KCNQ1OT1: variants seen among roughly 807,000 people sequenced by gnomAD.
The protein encoded by KCNQ1OT1 is KCNQ1 opposite strand/antisense transcript 1, also known as KCNQ1 antisense RNA 2 (non-protein coding).
In KCNQ1OT1 at chr11:2,694,433, C is replaced by T. The variant is rs1850639601; in HGVS notation, n.5562G>A. Reference sequence around the variant, plus strand: ...GGTAGAGACCAGGCAGGGTGCTAAACATCTTACAATATAAATGACAGCCCC... The same window carrying T: ...GGTAGAGACCAGGCAGGGTGCTAAATATCTTACAATATAAATGACAGCCCC... On this transcript the variant is annotated non_coding_transcript_exon_variant, in exon 1 of 1. Transcript: ENST00000597346. The T allele has an allele frequency of 7.5e-6, 3 of 398,658 alleles. No individual in the cohort carries two copies. The Admixed American group carries it at 1.3e-4, about 18-fold the overall frequency. The allele number at this position is 398,658 out of a possible 1,614,324, so 24.7% of individuals were successfully genotyped here.
exon 1 of KCNQ1OT1, chr11:2,697,490 G>C (rs1850697422): frequency 5.0e-6 from 2 of 398,566 alleles, no homozygotes; most frequent in Non-Finnish European, 8.8e-6. Context: ...GAAAAGTTAA[G>C]TTTTGGTTTA....
chr11:2,667,608 C>A (rs1209226085), exon 1 of KCNQ1OT1: 7 of 398,456 alleles, frequency 1.8e-5, no homozygotes, highest in Non-Finnish European at 2.2e-5. Context: ...GGGGGCACAT[C>A]CCATATAGAT....
rs1403934655 is a variant in KCNQ1OT1, at chr11:2,617,523, T to C, written n.82472A>G. 2.5e-6 allele frequency: 1 copy of C among 398,320 alleles called. No individual in the cohort carries two copies. Among genetic ancestry groups the C allele is most frequent in the Non-Finnish European group, 4.4e-6 (1 of 225,962 alleles). 24.7% of individuals were successfully genotyped at this position (398,320 alleles called of 1,614,324 possible). ...CATGCATATAATGCCACAATGAATA[T>C]AGGAGCGCAGATATCTTTATGAGGT... On this transcript the variant is annotated non_coding_transcript_exon_variant, in exon 1 of 1. Coordinates refer to ENST00000597346, the Ensembl canonical transcript of KCNQ1OT1. This position sits in a 1 kb window ranked among gnomAD's most constrained non-coding sequence, Gnocchi z 4.6.
In KCNQ1OT1 at chr11:2,673,170, A is replaced by C. The variant is rs1277849188; in HGVS notation, n.26825T>G. On this transcript the variant is annotated non_coding_transcript_exon_variant, in exon 1 of 1. Coordinates refer to ENST00000597346, the Ensembl canonical transcript of KCNQ1OT1. This position sits in a 1 kb window ranked among gnomAD's most constrained non-coding sequence, Gnocchi z 4.5. ...CCCTGACCCAAGCACGAGGATCAGA[A>C]TGGGCCCTGGAGCCAAGGCCAAAAG... is the stretch of plus-strand genomic sequence containing the variant. The C allele has an allele frequency of 2.3e-5, 9 of 398,562 alleles. No homozygotes were observed. The highest frequency in any genetic ancestry group is 3.5e-5 in the Non-Finnish European group (8 of 226,138). The allele number at this position is 398,562 out of a possible 1,614,324, so 24.7% of individuals were successfully genotyped here.
rs1458110194 is a variant in KCNQ1OT1, at chr11:2,669,402, A to G, written n.30593T>C. On this transcript the variant is annotated non_coding_transcript_exon_variant, in exon 1 of 1. Coordinates refer to ENST00000597346, the Ensembl canonical transcript of KCNQ1OT1. This position sits in a 1 kb window ranked among gnomAD's most constrained non-coding sequence, Gnocchi z 5.6. ...TTTGGGGCTCCTGAAACATGGCATC[A>G]TGTGTCCCTTGTTTATTTAGGTTGA... 1 of 398,512 alleles carries G rather than the reference A, an allele frequency of 2.5e-6. No individual in the cohort carries two copies. Among genetic ancestry groups the G allele is most frequent in the South Asian group, 1.3e-4 (1 of 7,860 alleles). 24.7% of individuals were successfully genotyped at this position (398,512 alleles called of 1,614,324 possible).
Position 2,624,894 on chromosome 11 carries a change from C to G in KCNQ1OT1, n.75101G>C, listed in dbSNP as rs1213702745. On this transcript the variant is annotated non_coding_transcript_exon_variant, in exon 1 of 1. Transcript: ENST00000597346. This position sits in a 1 kb window ranked among gnomAD's most constrained non-coding sequence, Gnocchi z 4.9. ...TAACATAATGGCCTCGAGGTTCATC[C>G]ATGTTGTGGCATGTGTCAAAATTTC... The G allele has an allele frequency of 5.0e-6, 2 of 398,368 alleles. No individual in the cohort carries two copies. Among genetic ancestry groups the G allele is most frequent in the Admixed American group, 8.8e-5 (2 of 22,696 alleles). The allele number at this position is 398,368 out of a possible 1,614,324, so 24.7% of individuals were successfully genotyped here. A position where few individuals can be genotyped will look rare whatever the true frequency, so the allele number is the denominator to read the frequency against.
At position 2,627,745 on chromosome 11, in the gene KCNQ1OT1, A is replaced by G. The variant is rs1849284855; in HGVS notation, n.72250T>C. 2.5e-5 allele frequency: 10 copies of G among 398,354 alleles called. No individual in the cohort carries two copies. The East Asian group carries it at 3.2e-4, about 13-fold the overall frequency. 24.7% of individuals were successfully genotyped at this position (398,354 alleles called of 1,614,324 possible). A position where few individuals can be genotyped will look rare whatever the true frequency, so the allele number is the denominator to read the frequency against. ...TGGGAATTTGGTGATACACACACAC[A>G]CACTATTTTCTTCCTTTCTTTTTGA... On this transcript the variant is annotated non_coding_transcript_exon_variant, in exon 1 of 1. Coordinates refer to ENST00000597346, the Ensembl canonical transcript of KCNQ1OT1. This position sits in a 1 kb window ranked among gnomAD's most constrained non-coding sequence, Gnocchi z 4.9.
In KCNQ1OT1 at chr11:2,617,659, A is replaced by G. The variant is rs1000460950; in HGVS notation, n.82336T>C. 2.0e-5 allele frequency: 8 copies of G among 398,394 alleles called. No individual in the cohort carries two copies. Among genetic ancestry groups the G allele is most frequent in the African/African-American group, 1.6e-4 (8 of 48,614 alleles). The allele number at this position is 398,394 out of a possible 1,614,324, so 24.7% of individuals were successfully genotyped here. A position where few individuals can be genotyped will look rare whatever the true frequency, so the allele number is the denominator to read the frequency against. ...CCATTCTGTTTTTCATTATGACTGC[A>G]CCAATCTACAGTCCCACCAACACTG... On this transcript the variant is annotated non_coding_transcript_exon_variant, in exon 1 of 1. Transcript: ENST00000597346. This position sits in a 1 kb window ranked among gnomAD's most constrained non-coding sequence, Gnocchi z 4.6.
chr11:2,651,553 T>A lies in KCNQ1OT1; in HGVS notation n.48442A>T. The A allele has an allele frequency of 2.5e-6, 1 of 398,550 alleles. No individual in the cohort carries two copies. 24.7% of individuals were successfully genotyped at this position (398,550 alleles called of 1,614,324 possible). A position where few individuals can be genotyped will look rare whatever the true frequency, so the allele number is the denominator to read the frequency against. On this transcript the variant is annotated non_coding_transcript_exon_variant, in exon 1 of 1. Coordinates refer to ENST00000597346, the Ensembl canonical transcript of KCNQ1OT1. The surrounding 1 kb of genome is among the most constrained non-coding windows in gnomAD (Gnocchi z 6.1). Reference sequence around the variant, plus strand: ...ATGAGTGTGTCCCTGAGAACATGGATATTGTGTTCTTTACCTCCATGTCTC... The same window carrying A: ...ATGAGTGTGTCCCTGAGAACATGGAAATTGTGTTCTTTACCTCCATGTCTC...
exon 1 of KCNQ1OT1, chr11:2,631,250 T>C (rs1467816551): frequency 2.5e-6 from 1 of 398,416 alleles, no homozygotes; most frequent in Non-Finnish European, 4.4e-6. Context: ...GTCCCATAAA[T>C]CCTGTAAACT....
chr11:2,664,153 G>T lies in KCNQ1OT1; in HGVS notation n.35842C>A, dbSNP rs531108403. ...CTTACCAAGGCCTCTCTCAGAGCAG[G>T]CTGTTCCAAAAGTGGCTGCTAGATA... On this transcript the variant is annotated non_coding_transcript_exon_variant, in exon 1 of 1. Coordinates refer to ENST00000597346, the Ensembl canonical transcript of KCNQ1OT1. The surrounding 1 kb of genome is among the most constrained non-coding windows in gnomAD (Gnocchi z 5.1). The T allele has an allele frequency of 2.5e-6, 1 of 398,756 alleles. No homozygotes were observed. Among genetic ancestry groups the T allele is most frequent in the Admixed American group, 4.4e-5 (1 of 22,726 alleles). 24.7% of individuals were successfully genotyped at this position (398,756 alleles called of 1,614,324 possible). A position where few individuals can be genotyped will look rare whatever the true frequency, so the allele number is the denominator to read the frequency against.
exon 1 of KCNQ1OT1, chr11:2,681,405 A>G: frequency 2.5e-6 from 1 of 398,492 alleles, no homozygotes; most frequent in South Asian, 1.3e-4. Context: ...ACTAAAGGCA[A>G]AGAATGGGGA....
chr11:2,677,838 G>C lies in KCNQ1OT1; in HGVS notation n.22157C>G. 2.5e-6 allele frequency: 1 copy of C among 398,430 alleles called. No individual in the cohort carries two copies. The allele number at this position is 398,430 out of a possible 1,614,324, so 24.7% of individuals were successfully genotyped here. ...TGTTGTGATAGATACTGCCAAATAA[G>C]GGCTGTACCATTTACATCACTTTGA... On this transcript the variant is annotated non_coding_transcript_exon_variant, in exon 1 of 1. Transcript: ENST00000597346. The surrounding 1 kb of genome is among the most constrained non-coding windows in gnomAD (Gnocchi z 4.5).
At chr11:2,610,049 TA>T (rs1848953709) in exon 1 of KCNQ1OT1, 1 of 397,846 alleles carries the variant, frequency 2.5e-6, no homozygotes, top group Non-Finnish European at 4.4e-6. Flanking sequence ...TCCACAGTTT[TA>T]CTTTTGGTCT....
Position 2,613,808 on chromosome 11 carries a change from T to A in KCNQ1OT1, n.86187A>T, listed in dbSNP as rs74576899. 0.013 allele frequency: 5,119 copies of A among 398,542 alleles called. 42 individuals carry two copies. The highest frequency in any genetic ancestry group is 0.018 in the Non-Finnish European group (3,965 of 226,028). 24.7% of individuals were successfully genotyped at this position (398,542 alleles called of 1,614,324 possible). On this transcript the variant is annotated non_coding_transcript_exon_variant, in exon 1 of 1. Transcript: ENST00000597346. This position sits in a 1 kb window ranked among gnomAD's most constrained non-coding sequence, Gnocchi z 4.8. ...ATATCTCTTCCATCCTAATTCCCCC[T>A]ACCCATTATAGGTAACCAGTTTCAG...
At chr11:2,662,002 T>C in exon 1 of KCNQ1OT1, 1 of 1,614,120 alleles carries the variant, frequency 6.2e-7, no homozygotes, top group Non-Finnish European at 8.5e-7. Context: ...CATGCCCCAT[T>C]TCATGAGAAC....
At position 2,654,232 on chromosome 11, in the gene KCNQ1OT1, C is replaced by A; in HGVS notation, n.45763G>T. On this transcript the variant is annotated non_coding_transcript_exon_variant, in exon 1 of 1. Coordinates refer to ENST00000597346, the Ensembl canonical transcript of KCNQ1OT1. This position sits in a 1 kb window ranked among gnomAD's most constrained non-coding sequence, Gnocchi z 6.4. ...GGGCCTGGCTGCAGCTGTCCGGATGCCCCTGGGGAGGGCTTCTCCTTCACA... is the reference window on the plus strand; with the variant it reads ...GGGCCTGGCTGCAGCTGTCCGGATGACCCTGGGGAGGGCTTCTCCTTCACA... 1 of 398,700 alleles carries A rather than the reference C, an allele frequency of 2.5e-6. No homozygotes were observed. Among genetic ancestry groups the A allele is most frequent in the Non-Finnish European group, 4.4e-6 (1 of 226,188 alleles). The allele number at this position is 398,700 out of a possible 1,614,324, so 24.7% of individuals were successfully genotyped here.
chr11:2,680,287 A>G, exon 1 of KCNQ1OT1: 2 of 395,678 alleles, frequency 5.1e-6, no homozygotes, highest in East Asian at 3.6e-5. Context: ...ACTTCATTCA[A>G]TTTAGATTAA....
exon 1 of KCNQ1OT1, chr11:2,692,563 C>G (rs1850606122): frequency 2.5e-6 from 1 of 398,708 alleles, no homozygotes; most frequent in East Asian, 3.6e-5. Flanking sequence ...CTGCCACTTT[C>G]CCCAAGGGAG....
Sources: gnomAD v4.1 joint callset for allele counts on GRCh38, gnomAD v4.1.1 for gene constraint, Gnocchi (gnomAD v3.1) non-coding constraint, MANE v1.5 for transcripts, NCBI Gene and HGNC (gene_info 2026-07-23, HGNC 2026-07-21) for gene names.